The following TTLL5 variants were observed in gnomAD, a reference collection of about 807,000 sequenced individuals.
TTLL5 encodes the protein tubulin tyrosine ligase like 5.
A neutral mutation model predicts 168.4 loss-of-function variants in TTLL5; 132 were observed. That is an observed-to-expected ratio of 0.78 (90% CI 0.68 to 0.91). TTLL5 has a LOEUF of 0.91. TTLL5 is among the 40% of genes least tolerant of loss of function. TTLL5 has a pLI of 0.00. For missense variants in TTLL5, 1,545 were observed against 1,581.5 expected (o/e 0.98, Z 0.39); for synonymous variants, 546 against 558.6 (o/e 0.98, Z 0.32).
At chr14:75,902,301 C>T (rs904223565) in intron 31 of TTLL5, 77 bp downstream of exon 31, 3 of 1,414,810 alleles carry the variant, frequency 2.1e-6, no homozygotes, top group Non-Finnish European at 2.0e-6. Flanking sequence ...TCTCTTCTGC[C>T]TCCAAAGAGA....
intron 30 of TTLL5, among the ~76,000 whole-genome samples, chr14:75,894,240 G>C (rs1011754740): frequency 6.6e-6 from 1 of 152,122 alleles, no homozygotes; most frequent in Non-Finnish European, 1.5e-5. Flanking sequence ...TATTAATTCA[G>C]TGGAAGATAG....
intron 28 of TTLL5, among the ~76,000 whole-genome samples, chr14:75,859,931 G>T (rs554149371): frequency 6.6e-6 from 1 of 152,172 alleles, no homozygotes; most frequent in Non-Finnish European, 1.5e-5. Flanking sequence ...CTCAAAGCAA[G>T]CAAGTTTCTC....
chr14:75,817,830 C>CTTTTCTTT (rs1894533849), intron 27 of TTLL5, among the ~76,000 whole-genome samples: 1 of 83,860 alleles, frequency 1.2e-5, no homozygotes, highest in East Asian at 3.4e-4. Flanking sequence ...CTTTTCTTTT[C>CTTTTCTTT]TTTTTTTTTT....
At chr14:75,749,233 AC>A (rs1318691334) in intron 17 of TTLL5, among the ~76,000 whole-genome samples, 3 of 152,254 alleles carry the variant, frequency 2.0e-5, no homozygotes, top group South Asian at 4.1e-4. Context: ...GGGACCATTT[AC>A]TTTTGAGTAT....
intron 9 of TTLL5, chr14:75,709,828 T>TAAAAAAA (rs60209676): frequency 4.0e-4 from 16 of 39,890 alleles, no homozygotes; most frequent in Non-Finnish European, 6.1e-4. Flanking sequence ...CCCATCTCAT[T>TAAAAAAA]AAAAAAAAAA....
At chr14:75,786,643 G>A (rs899012079) in intron 26 of TTLL5, among the ~76,000 whole-genome samples, 12 of 152,118 alleles carry the variant, frequency 7.9e-5, no homozygotes, top group Admixed American at 4.6e-4. Flanking sequence ...TTTGGAATAG[G>A]AGTAAGATTT....
At position 75,939,536 on chromosome 14, in the gene TTLL5, C is replaced by T. The variant is rs567106939; in HGVS notation, c.3824-14888C>T. On this transcript the variant is annotated intron_variant, in intron 31 of 31. Transcript: ENST00000298832. ...AGTGGCTGGAACCACAGGTGTGCAA[C>T]ACCACGTCCAGCTAATTATTTTATT... Among the ~76,000 whole-genome samples, 24 of 152,318 alleles carry T rather than the reference C, an allele frequency of 1.6e-4. No individual in the cohort carries two copies. The South Asian group carries it at 3.9e-3, about 25-fold the overall frequency.
At chr14:75,810,612 C>A (rs957667006) in intron 27 of TTLL5, among the ~76,000 whole-genome samples, 1 of 152,186 alleles carries the variant, frequency 6.6e-6, no homozygotes, top group Non-Finnish European at 1.5e-5. Context: ...AGTGACCCTC[C>A]TGCCTCAGCC....
At chr14:75,813,282 GT>G (rs1894176542) in intron 27 of TTLL5, among the ~76,000 whole-genome samples, 6 of 9,922 alleles carry the variant, frequency 6.0e-4, no homozygotes, top group African/African-American at 1.3e-3. Flanking sequence ...GTGTGTGTGT[GT>G]GTGTGTGTGT....
At chr14:75,911,968 A>T (rs1370423785) in intron 31 of TTLL5, among the ~76,000 whole-genome samples, 1 of 152,238 alleles carries the variant, frequency 6.6e-6, no homozygotes, top group East Asian at 1.9e-4. Context: ...ACATGAGCAC[A>T]GGGAGGAATC....
intron 30 of TTLL5, among the ~76,000 whole-genome samples, chr14:75,895,126 C>T (rs2032588484): frequency 6.6e-6 from 1 of 152,154 alleles, no homozygotes; most frequent in South Asian, 2.1e-4. Context: ...GGCACATGTT[C>T]TCAGGACTTC....
At chr14:75,730,950 C>T (rs576157930) in intron 12 of TTLL5, among the ~76,000 whole-genome samples, 1 of 152,118 alleles carries the variant, frequency 6.6e-6, no homozygotes, top group Non-Finnish European at 1.5e-5. Context: ...AAACTCCTGA[C>T]CTCGTGATCT....
At position 75,914,812 on chromosome 14, in the gene TTLL5, A is replaced by G. The variant is rs558759971; in HGVS notation, c.3823+12588A>G. Among the ~76,000 whole-genome samples, 4 of 152,090 alleles carry G rather than the reference A, an allele frequency of 2.6e-5. No homozygotes were observed. The South Asian group carries it at 8.3e-4, about 32-fold the overall frequency. The stretch of plus-strand genomic sequence containing the variant: ...CTAATTTTTTGTATTTTCAGTAGAG[A>G]CGGAGCTTCACTGTGTTAGCCAGGA... On this transcript the variant is annotated intron_variant, in intron 31 of 31. Transcript: ENST00000298832.
intron 31 of TTLL5, among the ~76,000 whole-genome samples, chr14:75,949,416 T>C (rs747396118): frequency 9.8e-4 from 131 of 134,216 alleles, no homozygotes; most frequent in Admixed American, 1.5e-3. Flanking sequence ...TATGGTTTTA[T>C]AGAGTATATA....
chr14:75,785,864 T>C (rs1359861789), intron 26 of TTLL5, among the ~76,000 whole-genome samples: 1 of 152,174 alleles, frequency 6.6e-6, no homozygotes, highest in African/African-American at 2.4e-5. Context: ...TCCCTTGCAT[T>C]TTCATATGAA....
chr14:75,886,769 C>A (rs202081823), intron 30 of TTLL5: 5 of 1,596,410 alleles, frequency 3.1e-6, no homozygotes, highest in Non-Finnish European at 3.4e-6. Flanking sequence ...GAACTGAGGA[C>A]GACAGCCTAC....
At chr14:75,706,777 A>T (rs1229772944) in intron 7 of TTLL5, among the ~76,000 whole-genome samples, 2 of 150,570 alleles carry the variant, frequency 1.3e-5, no homozygotes, top group East Asian at 1.9e-4. Context: ...TTTATTTATT[A>T]TTTATTATGT....
At chr14:75,782,646 T>C in intron 25 of TTLL5, 73 bp downstream of exon 25, 1 of 1,253,302 alleles carries the variant, frequency 8.0e-7, no homozygotes. Context: ...AGTCATCAGA[T>C]ATTAAATATT....
In TTLL5 at chr14:75,766,045, T is replaced by C; in HGVS notation, c.1709-17T>C. ...TTAATCCTTTTTTCAGCAACATTAG[T>C]GATTCTTCGTATTTAGTGATTACCC... On this transcript the variant is annotated splice_polypyrimidine_tract_variant and intron_variant, in intron 19 of 31. Coordinates refer to ENST00000298832, the MANE Select transcript of TTLL5 (RefSeq NM_015072.5). The C allele has an allele frequency of 6.3e-7, 1 of 1,595,006 alleles. No individual in the cohort carries two copies. Among genetic ancestry groups the C allele is most frequent in the Non-Finnish European group, 8.5e-7 (1 of 1,170,548 alleles).
Sources: allele counts gnomAD v4.1 joint callset (sites outside exome capture counted in the v4.1 genomes callset), GRCh38; gene constraint gnomAD v4.1.1; transcripts MANE v1.5; gene names NCBI Gene and HGNC (gene_info 2026-07-23, HGNC 2026-07-21).